Variants in LCP2 observed in about 807,000 individuals in gnomAD.
LCP2 encodes lymphocyte cytosolic protein 2.
LCP2 carries 29 observed loss-of-function variants against 74.5 expected under a neutral mutation model. The observed-to-expected ratio is 0.39, with a 90% CI of 0.29 to 0.53. The LOEUF (loss-of-function observed/expected upper bound fraction) is 0.53. LCP2 is among the 20% of genes least tolerant of loss of function. The pLI, the probability that LCP2 is intolerant of heterozygous loss-of-function variation, is 0.72. For synonymous variants in LCP2, 228 were observed against 229.5 expected (o/e 0.99, Z 0.06); for missense variants, 604 against 634.6 (o/e 0.95, Z 0.52).
intron 8 of LCP2, among the ~76,000 whole-genome samples, chr5:170,267,607 G>C (rs553356904): frequency 1.4e-5 from 2 of 142,912 alleles, no homozygotes; most frequent in Non-Finnish European, 3.0e-5. Context: ...CATGTTACCT[G>C]GTCTTCCGTC....
chr5:170,263,381 A>G (rs1761696890), intron 10 of LCP2, among the ~76,000 whole-genome samples: 4 of 152,166 alleles, frequency 2.6e-5, no homozygotes, highest in South Asian at 4.1e-4. Context: ...TTTTATTTTT[A>G]TATCTGAAAT....
At chr5:170,292,640 A>G (rs1343076158) in intron 2 of LCP2, among the ~76,000 whole-genome samples, 4 of 152,168 alleles carry the variant, frequency 2.6e-5, no homozygotes, top group Non-Finnish European at 4.4e-5. Context: ...AGTTCCCAGA[A>G]AGGATGGATT....
At chr5:170,273,498 G>A (rs1020627805) in intron 6 of LCP2, among the ~76,000 whole-genome samples, 1 of 152,104 alleles carries the variant, frequency 6.6e-6, no homozygotes, top group African/African-American at 2.4e-5. Flanking sequence ...GGCACTAGAG[G>A]TGGCCTCTTA....
At chr5:170,258,777 G>T in intron 15 of LCP2, 89 bp downstream of exon 15, 1 of 858,670 alleles carries the variant, frequency 1.2e-6, no homozygotes, top group Admixed American at 2.3e-5. Context: ...ATTCTATGGG[G>T]TTCCTGTACT....
chr5:170,268,362 T>C, intron 8 of LCP2, 23 bp downstream of exon 8: 2 of 429,206 alleles, frequency 4.7e-6, no homozygotes, highest in Non-Finnish European at 3.4e-6. Context: ...CCAAGTACTG[T>C]AAAAGAACGG....
At chr5:170,292,182 A>C (rs748994564) in intron 2 of LCP2, among the ~76,000 whole-genome samples, 21 of 152,220 alleles carry the variant, frequency 1.4e-4, no homozygotes, top group Non-Finnish European at 8.8e-5. Flanking sequence ...ATGTAAAAGC[A>C]GTTCGGGAAA....
chr5:170,297,160 T>C (rs997143217), intron 1 of LCP2, among the ~76,000 whole-genome samples: 2 of 152,210 alleles, frequency 1.3e-5, no homozygotes, highest in Admixed American at 1.3e-4. Flanking sequence ...CTATCACATG[T>C]AGTCCCTAGG....
intron 10 of LCP2, among the ~76,000 whole-genome samples, chr5:170,265,843 G>A (rs950275079): frequency 2.6e-5 from 4 of 152,204 alleles, no homozygotes; most frequent in South Asian, 2.1e-4. Flanking sequence ...GCTCCTTTCC[G>A]TTCAGTTGCA....
chr5:170,290,548 TCTC>T (rs1418345120), intron 2 of LCP2, among the ~76,000 whole-genome samples: 2 of 152,132 alleles, frequency 1.3e-5, no homozygotes, highest in African/African-American at 4.8e-5. Flanking sequence ...CCATACACCT[TCTC>T]CTCTTTGCCT....
At position 170,292,155 on chromosome 5, in the gene LCP2, C is replaced by G. The variant is rs114008949; in HGVS notation, c.141+1155G>C. Among the ~76,000 whole-genome samples the G allele has an allele frequency of 2.7e-3, 415 of 152,292 alleles. 2 individuals are homozygous for G. The highest frequency in any genetic ancestry group is 9.2e-3 in the African/African-American group (384 of 41,542). ...TTAGCCATTTCTCTATCCCCACCAC[C>G]TATAATGCTCTCCAGTATGTAAAAG... On this transcript the variant is annotated intron_variant, in intron 2 of 20. Coordinates refer to ENST00000046794, the MANE Select transcript of LCP2 (RefSeq NM_005565.5).
intron 8 of LCP2, chr5:170,267,333 C>T: frequency 5.3e-6 from 3 of 566,264 alleles, no homozygotes; most frequent in Non-Finnish European, 9.5e-6. Flanking sequence ...ACATTAGAAA[C>T]AAAATTGAAA....
intron 7 of LCP2, among the ~76,000 whole-genome samples, chr5:170,269,451 C>T (rs1761852672): frequency 6.6e-6 from 1 of 152,232 alleles, no homozygotes; most frequent in South Asian, 2.1e-4. Flanking sequence ...TCTAATTCCA[C>T]CCTGCTCCAC....
At chr5:170,266,739 A>G (rs1761764002) in intron 10 of LCP2, 69 bp downstream of exon 10, 1 of 1,302,222 alleles carries the variant, frequency 7.7e-7, no homozygotes, top group African/African-American at 1.5e-5. Context: ...GTACATGTGA[A>G]ACGTATGCAG....
chr5:170,290,952 A>AAGAG (rs1491560981), intron 2 of LCP2, among the ~76,000 whole-genome samples: 8 of 116,956 alleles, frequency 6.8e-5, no homozygotes, highest in Non-Finnish European at 1.4e-4. Flanking sequence ...AGAAAGAAAG[A>AAGAG]AAAGAAAGAA....
In LCP2 at chr5:170,284,548, C is replaced by T. The variant is rs143408859; in HGVS notation, c.188+3422G>A. ...GATGTGCCTCAGAGCTAGTTTTCTT[C>T]CTGTTTCTTAGATTTGGGGTTTGTT... On this transcript the variant is annotated intron_variant, in intron 3 of 20. Coordinates refer to ENST00000046794, the MANE Select transcript of LCP2 (RefSeq NM_005565.5). Among the ~76,000 whole-genome samples, 954 of 150,708 alleles carry T rather than the reference C, an allele frequency of 6.3e-3. 8 individuals are homozygous for T. The highest frequency in any genetic ancestry group is 0.017 in the Middle Eastern group (5 of 294).
chr5:170,253,276 C>T (rs1389381875), intron 17 of LCP2, 63 bp from the exon 18 acceptor site: 7 of 1,122,852 alleles, frequency 6.2e-6, no homozygotes, highest in Middle Eastern at 2.0e-4. Flanking sequence ...GCTATCAAAA[C>T]ACAAAACACA....
chr5:170,255,173 T>A (rs559451256), intron 17 of LCP2, among the ~76,000 whole-genome samples: 73 of 152,308 alleles, frequency 4.8e-4, no homozygotes, highest in African/African-American at 1.7e-3. Context: ...AATTAGGGGT[T>A]GGGCGAGAAA....
chr5:170,253,267 C>T, intron 17 of LCP2, 54 bp from the exon 18 acceptor site: 1 of 1,256,500 alleles, frequency 8.0e-7, no homozygotes, highest in Non-Finnish European at 1.1e-6. Flanking sequence ...TTGTTTGCTG[C>T]TATCAAAACA....
intron 10 of LCP2, among the ~76,000 whole-genome samples, chr5:170,264,327 T>C (rs1052478414): frequency 6.6e-6 from 1 of 152,268 alleles, no homozygotes; most frequent in African/African-American, 2.4e-5. Context: ...TTGACTTTGA[T>C]ATGGTCCATG....
Sources: allele counts gnomAD v4.1 joint callset (sites outside exome capture counted in the v4.1 genomes callset), GRCh38; gene constraint gnomAD v4.1.1; transcripts MANE v1.5; gene names NCBI Gene and HGNC (gene_info 2026-07-23, HGNC 2026-07-21).